Variants in TKFC observed in about 807,000 individuals in gnomAD.
TKFC encodes the protein triokinase/FMN cyclase.
TKFC carries 46 observed loss-of-function variants against 61.0 expected under a neutral mutation model. The ratio of observed to expected loss-of-function variants is 0.75; its 90% CI spans 0.60 to 0.96. The LOEUF (loss-of-function observed/expected upper bound fraction) is 0.96, where lower values mean the gene tolerates loss of function less well. Among genes scored for constraint, TKFC ranks in the 50% least tolerant of loss-of-function variants. The pLI, the probability that TKFC is intolerant of heterozygous loss-of-function variation, is 0.00. For missense variants in TKFC, 715 were observed against 777.5 expected (o/e 0.92, Z 0.96); for synonymous variants, 314 against 330.1 (o/e 0.95, Z 0.53).
Position 61,345,260 on chromosome 11 carries a change from C to T in TKFC, c.1241C>T (p.Ala414Val), listed in dbSNP as rs138992789. The part of the protein sequence containing the change: ...CGTTHSRAAR[A>V]IQEWLKEGPP... Reference sequence around the variant, plus strand: ...CCTCCCCATCTCTCTCTGCCTGCAGCAATCCAGGAGTGGCTGAAGGAGGGC... The same window carrying T: ...CCTCCCCATCTCTCTCTGCCTGCAGTAATCCAGGAGTGGCTGAAGGAGGGC... The change falls in exon 14 of 18, where the codon GCA becomes GTA. Residue 414 changes from alanine (A) to valine (V), a missense_variant and splice_region_variant. Ala to Val is a moderately conservative substitution (Grantham distance 64). Transcript: ENST00000394900. The T allele has an allele frequency of 1.9e-6, 3 of 1,544,922 alleles. No homozygotes were observed. Among genetic ancestry groups the T allele is most frequent in the Non-Finnish European group, 2.6e-6 (3 of 1,143,656 alleles).
downstream of TKFC, chr11:61,350,120 A>G: frequency 5.2e-6 from 3 of 576,540 alleles, no homozygotes; most frequent in South Asian, 6.3e-5. Context: ...AAGCAGCCAG[A>G]GAAGGCAGGC....
In TKFC at chr11:61,346,670, A is replaced by G; in HGVS notation, c.*167A>G. On this transcript the variant is annotated 3_prime_UTR_variant, in exon 18 of 18. Coordinates refer to ENST00000394900, the MANE Select transcript of TKFC (RefSeq NM_015533.4). The surrounding 1 kb of genome is among the most constrained non-coding windows in gnomAD (Gnocchi z 4.1). ...CCACCAAGCTTCCAGAACTACAGAC[A>G]GCACCCAGAGTGAGCTGGAGTGGGT... 1 of 1,430,340 alleles carries G rather than the reference A, an allele frequency of 7.0e-7. No homozygotes were observed. The highest frequency in any genetic ancestry group is 2.5e-5 in the East Asian group (1 of 40,538). 88.6% of individuals were successfully genotyped at this position (1,430,340 alleles called of 1,614,324 possible).
At chr11:61,350,659 A>G (rs1386109079), downstream of TKFC, 1 of 603,364 alleles carries the variant, frequency 1.7e-6, no homozygotes, top group African/African-American at 1.8e-5. Context: ...ACTAGCCCCC[A>G]GGCTGGTAAA....
chr11:61,344,355 C>T, intron 13 of TKFC, 82 bp downstream of exon 13: 1 of 1,343,772 alleles, frequency 7.4e-7, no homozygotes. Flanking sequence ...AGGCAGGGAC[C>T]TTCCTTTTTT....
At chr11:61,350,900 A>G (rs1590596599), downstream of TKFC, 1 of 1,498,786 alleles carries the variant, frequency 6.7e-7, no homozygotes, top group East Asian at 2.4e-5. Flanking sequence ...CCACAGGGTA[A>G]GTCTTCTTGT....
chr11:61,334,700 A>T lies in TKFC; in HGVS notation c.-29A>T, dbSNP rs189119474. On this transcript the variant is annotated 5_prime_UTR_variant, in exon 2 of 18. It removes the in-frame stop codon of an upstream open reading frame in the 5' UTR. Transcript: ENST00000394900. ...TCCAGCAGCTCAGTGCAACGGTGTG[A>T]ACTCAGCCTGTTTCAGAGCCTCCAC... The T allele has an allele frequency of 5.4e-5, 87 of 1,614,100 alleles. 1 individual carries two copies. In the African/African-American group the frequency reaches 1.0e-3, roughly 19 times the overall value.
intron 3 of TKFC, among the ~76,000 whole-genome samples, chr11:61,338,590 C>T (rs1010509598): frequency 8.5e-5 from 13 of 152,146 alleles, no homozygotes; most frequent in African/African-American, 2.7e-4. Flanking sequence ...CTAGGATGCG[C>T]GTCATTTCTC....
chr11:61,350,796 G>A (rs968687891), downstream of TKFC: 117 of 724,312 alleles, frequency 1.6e-4, no homozygotes, highest in Middle Eastern at 2.0e-3. Flanking sequence ...AGACTGGGGA[G>A]TCCCAGCATT....
rs1283726893 is a variant in TKFC, at chr11:61,345,738, G to A, written c.1478G>A (p.Arg493Lys). 6.2e-7 allele frequency: 1 copy of A among 1,614,268 alleles called. No homozygotes were observed. The highest frequency in any genetic ancestry group is 2.2e-5 in the East Asian group (1 of 44,890). Residue 493 changes from arginine to lysine, a missense_variant, in exon 16 of 18, where the codon AGG becomes AAG. Physicochemically the swap from Arg to Lys is conservative, Grantham distance 26 (BLOSUM62 2). Coordinates refer to ENST00000394900, the MANE Select transcript of TKFC (RefSeq NM_015533.4). Reference sequence around the variant, plus strand: ...TATGGCAAGGCTGCTCCAGGGGACAGGACTATGGTATGTACTCAGGCTGTG... The same window carrying A: ...TATGGCAAGGCTGCTCCAGGGGACAAGACTATGGTATGTACTCAGGCTGTG... ...QKYGKAAPGD[R>K]TMLDSLWAAG...
Position 61,348,109 on chromosome 11 carries a change from A to G in TKFC, c.*1606A>G, listed in dbSNP as rs1179992358. ...CCCTGACCACAAGGCATCCACGTGC[A>G]CAGGAGTATGCGCCCAGCAGCTGGG... On this transcript the variant is annotated 3_prime_UTR_variant, in exon 18 of 18. Transcript: ENST00000394900. The G allele has an allele frequency of 1.0e-6, 1 of 985,478 alleles. No individual in the cohort carries two copies. The highest frequency in any genetic ancestry group is 1.2e-6 in the Non-Finnish European group (1 of 829,936). 61.0% of individuals were successfully genotyped at this position (985,478 alleles called of 1,614,324 possible). A position where few individuals can be genotyped will look rare whatever the true frequency, so the allele number is the denominator to read the frequency against.
In TKFC at chr11:61,346,045, C is replaced by T; in HGVS notation, c.1575+99C>T. The stretch of plus-strand genomic sequence containing the variant: ...GAGCAAGTTAATAACCTTCCTGGAC[C>T]GCAGTTTCCTTCTCTGTACAATGGA... On this transcript the variant is annotated intron_variant, in intron 17 of 17. Coordinates refer to ENST00000394900, the MANE Select transcript of TKFC (RefSeq NM_015533.4). This position sits in a 1 kb window ranked among gnomAD's most constrained non-coding sequence, Gnocchi z 4.1. 14 of 1,316,362 alleles carry T rather than the reference C, an allele frequency of 1.1e-5. No homozygotes were observed. The highest frequency in any genetic ancestry group is 2.1e-5 in the Admixed American group (1 of 47,852). The allele number at this position is 1,316,362 out of a possible 1,614,324, so 81.5% of individuals were successfully genotyped here. A position where few individuals can be genotyped will look rare whatever the true frequency, so the allele number is the denominator to read the frequency against.
Position 61,348,994 on chromosome 11 carries a change from G to C in TKFC, c.*2491G>C, listed in dbSNP as rs1857272784. ...ACATCTGGCAATGTGAGGCTGGGGT[G>C]GACGTTGGCCTGATGTTGCCAGGAG... On this transcript the variant is annotated 3_prime_UTR_variant, in exon 18 of 18. Transcript: ENST00000394900. 1 of 156,364 alleles carries C rather than the reference G, an allele frequency of 6.4e-6. No homozygotes were observed. Among genetic ancestry groups the C allele is most frequent in the South Asian group, 1.9e-4 (1 of 5,218 alleles). The allele number at this position is 156,364 out of a possible 1,614,324, so 9.7% of individuals were successfully genotyped here.
chr11:61,334,710 G>C lies in TKFC; in HGVS notation c.-19G>C, dbSNP rs1334375096. On this transcript the variant is annotated 5_prime_UTR_variant, in exon 2 of 18. Coordinates refer to ENST00000394900, the MANE Select transcript of TKFC (RefSeq NM_015533.4). Reference sequence around the variant, plus strand: ...CAGTGCAACGGTGTGAACTCAGCCTGTTTCAGAGCCTCCACACCATGGTGA... The same window carrying C: ...CAGTGCAACGGTGTGAACTCAGCCTCTTTCAGAGCCTCCACACCATGGTGA... 1.2e-6 allele frequency: 2 copies of C among 1,613,988 alleles called. No individual in the cohort carries two copies. The highest frequency in any genetic ancestry group is 1.3e-5 in the African/African-American group (1 of 74,930).
chr11:61,339,052 C>T lies in TKFC; in HGVS notation c.194-14C>T. The T allele has an allele frequency of 1.9e-6, 3 of 1,609,386 alleles. No individual in the cohort carries two copies. Among genetic ancestry groups the T allele is most frequent in the Non-Finnish European group, 2.5e-6 (3 of 1,177,344 alleles). Reference sequence around the variant, plus strand: ...TCCCACCCAGCATGCTCACTCCACTCCTTCCACCTCCAGGTTTCATAGGGA... The same window carrying T: ...TCCCACCCAGCATGCTCACTCCACTTCTTCCACCTCCAGGTTTCATAGGGA... On this transcript the variant is annotated splice_polypyrimidine_tract_variant and intron_variant, in intron 3 of 17. Coordinates refer to ENST00000394900, the MANE Select transcript of TKFC (RefSeq NM_015533.4).
At chr11:61,345,188 T>C in intron 13 of TKFC, 72 bp from the exon 14 acceptor site, 5 of 1,310,592 alleles carry the variant, frequency 3.8e-6, no homozygotes, top group Admixed American at 2.4e-5. Flanking sequence ...CCAGCCTTCA[T>C]TGGTGCTGGC....
chr11:61,349,850 G>A, downstream of TKFC: 2 of 573,228 alleles, frequency 3.5e-6, no homozygotes, highest in Non-Finnish European at 6.3e-6. Flanking sequence ...CTGTGGCGGG[G>A]CAGCCTAACT....
intron 11 of TKFC, 40 bp downstream of exon 11, chr11:61,343,498 T>C: frequency 6.3e-7 from 1 of 1,580,912 alleles, no homozygotes; most frequent in South Asian, 1.1e-5. Flanking sequence ...CCAGGGCTCC[T>C]TGTAACTGGA....
At chr11:61,344,941 G>A (rs1857043655) in intron 13 of TKFC, among the ~76,000 whole-genome samples, 1 of 152,174 alleles carries the variant, frequency 6.6e-6, no homozygotes, top group Non-Finnish European at 1.5e-5. Context: ...TTATGTTCTA[G>A]GTGGAAGACA....
downstream of TKFC, chr11:61,353,014 C>T (rs527592337): frequency 4.7e-5 from 76 of 1,614,046 alleles, no homozygotes; most frequent in South Asian, 4.7e-4. Flanking sequence ...CATTAATGCC[C>T]GAAATGACGG....
Sources: gnomAD v4.1 joint callset for allele counts (sites outside exome capture counted in the v4.1 genomes callset) on GRCh38, gnomAD v4.1.1 for gene constraint, Gnocchi (gnomAD v3.1) non-coding constraint, MANE v1.5 for transcripts, NCBI Gene and HGNC (gene_info 2026-07-23, HGNC 2026-07-21) for gene names.